Variants in LRRTM4 observed in about 807,000 individuals in gnomAD.
LRRTM4 encodes leucine-rich repeat transmembrane neuronal protein 4.
In LRRTM4, 25 loss-of-function variants were observed where a neutral mutation model predicts 47.6. The ratio of observed to expected loss-of-function variants is 0.53; its 90% CI spans 0.38 to 0.73. The LOEUF is 0.73. LRRTM4 is among the 30% of genes least tolerant of loss of function. The pLI is 0.00. For missense variants in LRRTM4, 638 were observed against 713.4 expected, an observed-to-expected ratio of 0.89 and a Z score of 1.20; for synonymous variants, 311 against 269.5, an observed-to-expected ratio of 1.15 and a Z score of -1.51.
At chr2:77,476,560 G>A (rs1380443118) in intron 3 of LRRTM4, among the ~76,000 whole-genome samples, 2 of 152,048 alleles carry the variant, frequency 1.3e-5, no homozygotes, top group Non-Finnish European at 2.9e-5. Context: ...AATGAAAAGA[G>A]TAGAAACTAC....
chr2:77,012,081 GC>G (rs1677895479), intron 3 of LRRTM4, among the ~76,000 whole-genome samples: 7 of 151,952 alleles, frequency 4.6e-5, no homozygotes, highest in Admixed American at 3.3e-4. Flanking sequence ...CAAATCTCAC[GC>G]AAAATGTTGT....
chr2:76,897,928 G>T (rs1673478393), intron 3 of LRRTM4, among the ~76,000 whole-genome samples: 1 of 152,060 alleles, frequency 6.6e-6, no homozygotes, highest in Non-Finnish European at 1.5e-5. Context: ...GCCATCAAAG[G>T]GAAGACAATC....
chr2:76,771,214 GGAA>G (rs1313838831), intron 3 of LRRTM4, among the ~76,000 whole-genome samples: 34 of 152,140 alleles, frequency 2.2e-4, no homozygotes, highest in Non-Finnish European at 1.5e-4. Context: ...AATGATTAAA[GGAA>G]GAAAAAGATG....
chr2:76,986,671 G>T (rs1223436161), intron 3 of LRRTM4, among the ~76,000 whole-genome samples: 1 of 151,830 alleles, frequency 6.6e-6, no homozygotes, highest in East Asian at 1.9e-4. Context: ...AATAAGTTTG[G>T]TTGAAAAGAA....
At chr2:76,788,988 A>G (rs1019856698) in intron 3 of LRRTM4, among the ~76,000 whole-genome samples, 1 of 152,216 alleles carries the variant, frequency 6.6e-6, no homozygotes, top group South Asian at 2.1e-4. Flanking sequence ...TTAGAGACAT[A>G]AAACTTACAC....
At chr2:77,326,334 A>G (rs1242390496) in intron 3 of LRRTM4, among the ~76,000 whole-genome samples, 3 of 152,226 alleles carry the variant, frequency 2.0e-5, no homozygotes, top group African/African-American at 4.8e-5. Flanking sequence ...AGCCTCAGGC[A>G]CAAACCTAGA....
chr2:77,414,940 T>C (rs532390988), intron 3 of LRRTM4, among the ~76,000 whole-genome samples: 49 of 152,296 alleles, frequency 3.2e-4, no homozygotes, highest in Middle Eastern at 6.8e-3. Context: ...CTTTTGGATT[T>C]CCACACATAA....
intron 3 of LRRTM4, among the ~76,000 whole-genome samples, chr2:76,798,754 A>C (rs1426914965): frequency 1.3e-5 from 2 of 150,944 alleles, no homozygotes; most frequent in Non-Finnish European, 3.0e-5. Context: ...TGCAATAAAA[A>C]ATGATAAAGG....
At chr2:77,159,311 T>G (rs1250667074) in intron 3 of LRRTM4, among the ~76,000 whole-genome samples, 1 of 152,140 alleles carries the variant, frequency 6.6e-6, no homozygotes, top group African/African-American at 2.4e-5. Context: ...GTGTATGTAT[T>G]ACATACTGCA....
intron 3 of LRRTM4, among the ~76,000 whole-genome samples, chr2:76,788,515 G>T (rs899527878): frequency 6.6e-6 from 1 of 152,186 alleles, no homozygotes; most frequent in African/African-American, 2.4e-5. Context: ...TATTTAACCT[G>T]TGTAGACTTA....
intron 3 of LRRTM4, among the ~76,000 whole-genome samples, chr2:76,917,757 T>C (rs561062115): frequency 3.3e-5 from 5 of 152,248 alleles, no homozygotes; most frequent in Non-Finnish European, 5.9e-5. Flanking sequence ...CTAACTTTCC[T>C]CCCCACTCTT....
intron 3 of LRRTM4, among the ~76,000 whole-genome samples, chr2:76,868,984 C>T (rs975918555): frequency 1.3e-5 from 2 of 151,940 alleles, no homozygotes; most frequent in Non-Finnish European, 2.9e-5. Context: ...CTTTATTTTA[C>T]TTCTCTGGGG....
chr2:77,351,068 T>A (rs1460349892), intron 3 of LRRTM4, among the ~76,000 whole-genome samples: 2 of 152,132 alleles, frequency 1.3e-5, no homozygotes, highest in Non-Finnish European at 2.9e-5. Flanking sequence ...CTCTCCTTCC[T>A]CCCACCCCGT....
intron 3 of LRRTM4, among the ~76,000 whole-genome samples, chr2:76,821,519 G>A (rs150685034): frequency 3.0e-4 from 46 of 151,668 alleles, no homozygotes; most frequent in Non-Finnish European, 4.9e-4. Context: ...ACTCCTGGGC[G>A]TAAAAATGTA....
chr2:76,824,679 A>G (rs1671144229), intron 3 of LRRTM4, among the ~76,000 whole-genome samples: 1 of 149,652 alleles, frequency 6.7e-6, no homozygotes, highest in African/African-American at 2.5e-5. Flanking sequence ...ATAATAAGCA[A>G]CCAGTTAATA....
chr2:77,327,903 A>G (rs1670836262), intron 3 of LRRTM4, among the ~76,000 whole-genome samples: 1 of 152,178 alleles, frequency 6.6e-6, no homozygotes, highest in Non-Finnish European at 1.5e-5. Context: ...AAAGCAGAGG[A>G]AATTTTTGAA....
At chr2:77,246,846 TGC>T (rs1263882256) in intron 3 of LRRTM4, among the ~76,000 whole-genome samples, 5 of 152,118 alleles carry the variant, frequency 3.3e-5, no homozygotes, top group African/African-American at 1.2e-4. Context: ...TATACATATA[TGC>T]ATATATAGAC....
chr2:76,973,573 C>A (rs1372070104), intron 3 of LRRTM4, among the ~76,000 whole-genome samples: 1 of 151,812 alleles, frequency 6.6e-6, no homozygotes, highest in Non-Finnish European at 1.5e-5. Context: ...ACTGATTTTC[C>A]TGGGAGACAA....
chr2:77,444,370 G>A (rs553215233), intron 3 of LRRTM4, among the ~76,000 whole-genome samples: 4 of 152,138 alleles, frequency 2.6e-5, no homozygotes, highest in African/African-American at 4.8e-5. Context: ...ACTTTCTGAA[G>A]TTCAGCCTTT....
Sources: allele counts gnomAD v4.1 joint callset (sites outside exome capture counted in the v4.1 genomes callset), GRCh38; gene constraint gnomAD v4.1.1; transcripts MANE v1.5; gene names NCBI Gene and HGNC (gene_info 2026-07-23, HGNC 2026-07-21).